Variants in NSDHL observed in about 807,000 individuals in gnomAD.
The protein encoded by NSDHL is sterol-4-alpha-carboxylate 3-dehydrogenase, decarboxylating.
Under a neutral mutation model 23.0 loss-of-function variants are expected in NSDHL, and 1 was observed. The observed-to-expected ratio is 0.04, with a 90% CI of 0.02 to 0.21. NSDHL has a LOEUF of 0.21. NSDHL is among the 10% of genes least tolerant of loss of function. The pLI is 1.00. For missense variants in NSDHL, 237 were observed against 300.9 expected (o/e 0.79, Z 1.57); for synonymous variants, 128 against 121.1 (o/e 1.06, Z -0.37).
At chrX:152,850,665 C>A (rs782570871) in intron 3 of NSDHL, among the ~76,000 whole-genome samples, 2 of 112,606 alleles carry the variant, frequency 1.8e-5, no homozygotes, top group Non-Finnish European at 3.7e-5. Context: ...CTTAAATGAA[C>A]AAATGGCTGT....
intron 2 of NSDHL, among the ~76,000 whole-genome samples, chrX:152,849,489 T>C (rs1247459529): frequency 8.9e-6 from 1 of 112,518 alleles, no homozygotes; most frequent in East Asian, 2.8e-4. Flanking sequence ...CATGTGCTAC[T>C]GTGTCCTTTC....
At chrX:152,853,494 A>G (rs1471159397) in intron 3 of NSDHL, among the ~76,000 whole-genome samples, 4 of 111,467 alleles carry the variant, frequency 3.6e-5, no homozygotes, top group African/African-American at 1.3e-4. Context: ...CCAAGCCACC[A>G]TCACTGTCTC....
intron 4 of NSDHL, 83 bp downstream of exon 4, chrX:152,858,999 C>T: frequency 1.2e-6 from 1 of 843,985 alleles, no homozygotes; most frequent in South Asian, 2.3e-5. Context: ...CTTGCAGTCT[C>T]CCTGGGCCTA....
At chrX:152,840,279 A>G (rs1933169572) in intron 1 of NSDHL, among the ~76,000 whole-genome samples, 1 of 112,003 alleles carries the variant, frequency 8.9e-6, no homozygotes, top group Non-Finnish European at 1.9e-5. Context: ...GTTTTTTATT[A>G]CCAACCTTCT....
chrX:152,838,281 T>A (rs1933133391), intron 1 of NSDHL, among the ~76,000 whole-genome samples: 1 of 111,920 alleles, frequency 8.9e-6, no homozygotes, highest in South Asian at 3.7e-4. Flanking sequence ...TGAAGGGTTT[T>A]TTGTGTCTCT....
chrX:152,853,189 T>A (rs1022102711), intron 3 of NSDHL, among the ~76,000 whole-genome samples: 2 of 107,391 alleles, frequency 1.9e-5, no homozygotes, highest in African/African-American at 3.4e-5. Flanking sequence ...GACATCCCTG[T>A]TTGGATACCT....
intron 1 of NSDHL, among the ~76,000 whole-genome samples, chrX:152,831,346 G>A (rs1190129653): frequency 8.9e-6 from 1 of 111,762 alleles, no homozygotes; most frequent in Non-Finnish European, 1.9e-5. Flanking sequence ...GGTGTGCTGA[G>A]TGTTGTCGCA....
At chrX:152,848,755 G>GC (rs1933312525) in intron 2 of NSDHL, among the ~76,000 whole-genome samples, 1 of 112,134 alleles carries the variant, frequency 8.9e-6, no homozygotes, top group Non-Finnish European at 1.9e-5. Context: ...TGGGAAACAG[G>GC]CAGCTCAGAG....
In NSDHL at chrX:152,849,544, G is replaced by A. The variant is rs1010533924; in HGVS notation, c.109-721G>A. On this transcript the variant is annotated intron_variant, in intron 2 of 7. Coordinates refer to ENST00000370274, the MANE Select transcript of NSDHL (RefSeq NM_015922.3). ...GTTGGAATTACCCAAGGAATCGTGTGTGTTGTGGAGGCTGAGACATAAACA... is the reference window on the plus strand; with the variant it reads ...GTTGGAATTACCCAAGGAATCGTGTATGTTGTGGAGGCTGAGACATAAACA... Among the ~76,000 whole-genome samples the A allele has an allele frequency of 2.7e-5, 3 of 112,727 alleles. No homozygotes were observed. In the Admixed American group the frequency reaches 2.8e-4, roughly 11 times the overall value.
At chrX:152,832,604 C>T (rs1556843547) in intron 1 of NSDHL, among the ~76,000 whole-genome samples, 2 of 111,987 alleles carry the variant, frequency 1.8e-5, no homozygotes, top group African/African-American at 6.5e-5. Context: ...AGTTTTGCCC[C>T]TGGTAACCCT....
chrX:152,869,113 G>A lies in NSDHL; in HGVS notation c.1119G>A (p.Lys373=), dbSNP rs1488589462. The change falls in exon 8 of 8, where the codon AAG becomes AAA. Residue 373 remains lysine, a synonymous_variant. Transcript: ENST00000370274. The part of the protein sequence containing the change: ...VQSFRHLRRV[K] ...GCTTTCGCCACCTGCGGAGGGTCAA[G>A]TGAGGGACACTGGAGGCTGGGCTCT... 2 of 1,202,390 alleles carry A rather than the reference G, an allele frequency of 1.7e-6. No homozygotes were observed. Among genetic ancestry groups the A allele is most frequent in the African/African-American group, 1.7e-5 (1 of 57,272 alleles).
intron 3 of NSDHL, among the ~76,000 whole-genome samples, chrX:152,857,697 A>C (rs188827432): frequency 8.9e-6 from 1 of 112,224 alleles, no homozygotes; most frequent in Non-Finnish European, 1.9e-5. Context: ...GAATTTGAAT[A>C]TAGACTAATT....
chrX:152,845,034 A>G (rs184408888), intron 1 of NSDHL, among the ~76,000 whole-genome samples: 8 of 112,164 alleles, frequency 7.1e-5, no homozygotes, highest in East Asian at 5.6e-4. Flanking sequence ...ATTGACTTCA[A>G]TGCATTCTAA....
intron 1 of NSDHL, among the ~76,000 whole-genome samples, chrX:152,834,810 A>G (rs1246082135): frequency 8.9e-6 from 1 of 112,331 alleles, no homozygotes; most frequent in African/African-American, 3.2e-5. Flanking sequence ...TCTAAGAAAC[A>G]TTACTTGGCA....
intron 1 of NSDHL, among the ~76,000 whole-genome samples, chrX:152,839,875 A>C (rs1459156405): frequency 3.6e-5 from 4 of 112,277 alleles, no homozygotes; most frequent in Non-Finnish European, 7.5e-5. Flanking sequence ...GTTCTCCTGG[A>C]TAATATCCTG....
At chrX:152,864,596 C>T (rs781886820) in intron 5 of NSDHL, among the ~76,000 whole-genome samples, 1 of 112,294 alleles carries the variant, frequency 8.9e-6, no homozygotes, top group Admixed American at 9.4e-5. Context: ...ATGACTCCAG[C>T]AGTAACTCAC....
At chrX:152,863,071 A>C (rs1767948425) in intron 5 of NSDHL, among the ~76,000 whole-genome samples, 1 of 110,042 alleles carries the variant, frequency 9.1e-6, no homozygotes, top group Admixed American at 9.7e-5. Context: ...CTGAGGTATG[A>C]GAATTGCTTG....
intron 3 of NSDHL, among the ~76,000 whole-genome samples, chrX:152,852,882 T>TA (rs1343525165): frequency 6.3e-5 from 7 of 110,308 alleles, no homozygotes; most frequent in African/African-American, 2.3e-4. Context: ...CTTGGCCCTG[T>TA]AGCAGCATCT....
At chrX:152,835,399 C>T (rs1257142340) in intron 1 of NSDHL, among the ~76,000 whole-genome samples, 4 of 108,962 alleles carry the variant, frequency 3.7e-5, no homozygotes, top group African/African-American at 1.3e-4. Flanking sequence ...GTTTGCTGCA[C>T]CCATCAACTC....
Sources: gnomAD v4.1 joint callset for allele counts (sites outside exome capture counted in the v4.1 genomes callset) on GRCh38, gnomAD v4.1.1 for gene constraint, MANE v1.5 for transcripts, NCBI Gene and HGNC (gene_info 2026-07-23, HGNC 2026-07-21) for gene names.